The following SH3PXD2A variants were observed in gnomAD, a reference collection of about 807,000 sequenced individuals.
SH3PXD2A encodes the protein SH3 and PX domains 2A.
A neutral mutation model predicts 115.2 loss-of-function variants in SH3PXD2A; 32 were observed. The observed-to-expected ratio is 0.28, with a 90% CI of 0.21 to 0.37. The LOEUF (loss-of-function observed/expected upper bound fraction) is 0.37. Ranked by LOEUF, SH3PXD2A falls within the 10% of genes least tolerant of loss-of-function variation. The pLI is 1.00. For synonymous variants in SH3PXD2A, 610 were observed against 629.1 expected, an observed-to-expected ratio of 0.97 and a Z score of 0.45; for missense variants, 1,328 against 1,498.7, an observed-to-expected ratio of 0.89 and a Z score of 1.88.
At chr10:103,687,663 G>A (rs2037696214) in intron 6 of SH3PXD2A, among the ~76,000 whole-genome samples, 1 of 152,156 alleles carries the variant, frequency 6.6e-6, no homozygotes, top group African/African-American at 2.4e-5. Flanking sequence ...ATCATTCTAT[G>A]ATTGAAGCCA....
In SH3PXD2A at chr10:103,602,392, G is replaced by A. The variant is rs1223167738; in HGVS notation, c.2826C>T (p.Ser942=). Residue 942 remains serine (S), a synonymous_variant, in exon 15 of 15, where the codon AGC becomes AGT. Coordinates refer to ENST00000369774, the MANE Select transcript of SH3PXD2A (RefSeq NM_001394015.1). ...AGGGGATGGGGGGCGTGGCCTTCTT[G>A]CTCTGGTTGACGGTGTTCAGTGCTT... The part of the protein sequence containing the change: ...RVQALNTVNQ[S]KKATPPIPSK... 1 of 1,614,050 alleles carries A rather than the reference G, an allele frequency of 6.2e-7. No homozygotes were observed. The highest frequency in any genetic ancestry group is 8.5e-7 in the Non-Finnish European group (1 of 1,179,990).
At chr10:103,785,291 C>T (rs754696812) in intron 2 of SH3PXD2A, among the ~76,000 whole-genome samples, 1 of 152,166 alleles carries the variant, frequency 6.6e-6, no homozygotes, top group Non-Finnish European at 1.5e-5. Flanking sequence ...CTTAGAGGAA[C>T]AGCTAGCATG....
intron 6 of SH3PXD2A, 38 bp downstream of exon 6, chr10:103,692,990 A>C: frequency 6.3e-7 from 1 of 1,585,234 alleles, no homozygotes; most frequent in East Asian, 2.3e-5. Context: ...CGAAGCGGGA[A>C]GGAAGGCTGA....
rs79241695 is a variant in SH3PXD2A at position 103,802,248 on chromosome 10, C to G, written c.73-886G>C. On this transcript the variant is annotated intron_variant, in intron 1 of 14. Coordinates refer to ENST00000369774, the MANE Select transcript of SH3PXD2A (RefSeq NM_001394015.1). ...AGAGATGTGTGATTCATCTCAGCAT[C>G]CCTGTCTTTGCTCAGTGCCTGGCAC... Among the ~76,000 whole-genome samples, 15 of 152,314 alleles carry G rather than the reference C, an allele frequency of 9.8e-5. No homozygotes were observed. In the East Asian group the frequency reaches 2.9e-3, roughly 29 times the overall value.
intron 2 of SH3PXD2A, among the ~76,000 whole-genome samples, chr10:103,769,173 TGTGTGTGTGCGC>T (rs2038790692): frequency 9.6e-6 from 1 of 104,486 alleles, no homozygotes; most frequent in African/African-American, 4.8e-5. Flanking sequence ...TGTGTGTGTG[TGTGTGTGTGCGC>T]GCGCGCGCGC....
Position 103,627,303 on chromosome 10 carries a change from G to C in SH3PXD2A, c.605-101C>G. 1.4e-6 allele frequency: 1 copy of C among 708,630 alleles called. No homozygotes were observed. The allele number at this position is 708,630 out of a possible 1,614,324, so 43.9% of individuals were successfully genotyped here. A position where few individuals can be genotyped will look rare whatever the true frequency, so the allele number is the denominator to read the frequency against. On this transcript the variant is annotated intron_variant, in intron 8 of 14. Coordinates refer to ENST00000369774, the MANE Select transcript of SH3PXD2A (RefSeq NM_001394015.1). This position sits in a 1 kb window ranked among gnomAD's most constrained non-coding sequence, Gnocchi z 4.4. ...GATGGAAGGAGAGGCACAAGAAGCG[G>C]AGCATGGAGCCAGATGGCCTGGGGA...
chr10:103,792,204 A>G (rs1331350846), intron 2 of SH3PXD2A, among the ~76,000 whole-genome samples: 1 of 152,240 alleles, frequency 6.6e-6, no homozygotes, highest in African/African-American at 2.4e-5. Context: ...GCTGTCAACT[A>G]ATAATTACTT....
chr10:103,798,629 G>A (rs898850894), intron 2 of SH3PXD2A, among the ~76,000 whole-genome samples: 5 of 152,178 alleles, frequency 3.3e-5, no homozygotes, highest in East Asian at 1.9e-4. Flanking sequence ...GGTGAAACCC[G>A]GGGAGCAGCT....
chr10:103,773,246 A>G (rs1386012011), intron 2 of SH3PXD2A, among the ~76,000 whole-genome samples: 2 of 139,586 alleles, frequency 1.4e-5, no homozygotes, highest in Non-Finnish European at 3.2e-5. Context: ...AAAAAAGAGA[A>G]AAAAAGAGAC....
intron 5 of SH3PXD2A, among the ~76,000 whole-genome samples, chr10:103,703,361 A>G (rs149986771): frequency 2.6e-5 from 4 of 152,300 alleles, no homozygotes; most frequent in East Asian, 3.9e-4. Flanking sequence ...CATTTTACAG[A>G]TGCACCTCAG....
At chr10:103,622,134 A>T (rs1375868241) in intron 10 of SH3PXD2A, among the ~76,000 whole-genome samples, 1 of 152,240 alleles carries the variant, frequency 6.6e-6, no homozygotes, top group East Asian at 1.9e-4. Flanking sequence ...AGCTCCTTTA[A>T]TCTGCAGCTT....
chr10:103,796,128 G>A (rs1297016803), intron 2 of SH3PXD2A, among the ~76,000 whole-genome samples: 1 of 151,962 alleles, frequency 6.6e-6, no homozygotes, highest in Non-Finnish European at 1.5e-5. Flanking sequence ...GGAAGACCGA[G>A]GCGGAAGGAT....
At chr10:103,814,870 G>A (rs2039307978) in intron 1 of SH3PXD2A, among the ~76,000 whole-genome samples, 1 of 152,174 alleles carries the variant, frequency 6.6e-6, no homozygotes. Context: ...ATAAAATGGG[G>A]TGGTGACTGA....
intron 6 of SH3PXD2A, among the ~76,000 whole-genome samples, chr10:103,692,141 AGTCTGTC>A (rs1216459168): frequency 1.3e-5 from 2 of 152,138 alleles, no homozygotes; most frequent in East Asian, 1.9e-4. Flanking sequence ...TCGCTGCAGC[AGTCTGTC>A]CCCGCCCCCA....
At chr10:103,842,623 A>G (rs1832444496) in intron 1 of SH3PXD2A, among the ~76,000 whole-genome samples, 1 of 152,148 alleles carries the variant, frequency 6.6e-6, no homozygotes, top group Admixed American at 6.5e-5. Context: ...GCTCTCACCT[A>G]TGAGTGAGGA....
rs1020766933 is a variant in SH3PXD2A, at chr10:103,596,820, C to T, written c.*4996G>A. 3 of 152,524 alleles carry T rather than the reference C, an allele frequency of 2.0e-5. No homozygotes were observed. Among genetic ancestry groups the T allele is most frequent in the Admixed American group, 1.3e-4 (2 of 15,270 alleles). The allele number at this position is 152,524 out of a possible 1,614,324, so 9.4% of individuals were successfully genotyped here. A position where few individuals can be genotyped will look rare whatever the true frequency, so the allele number is the denominator to read the frequency against. ...ATGGATATACGCCAAGGGAGAGACC[C>T]GCACAGGGCACAGTCCCATTCCAGG... On this transcript the variant is annotated 3_prime_UTR_variant, in exon 15 of 15. Coordinates refer to ENST00000369774, the MANE Select transcript of SH3PXD2A (RefSeq NM_001394015.1).
intron 8 of SH3PXD2A, among the ~76,000 whole-genome samples, chr10:103,645,912 G>A (rs762344120): frequency 6.6e-6 from 1 of 152,240 alleles, no homozygotes; most frequent in Non-Finnish European, 1.5e-5. Flanking sequence ...GATTCACCAA[G>A]AGGCAGCAGA....
intron 2 of SH3PXD2A, among the ~76,000 whole-genome samples, chr10:103,772,730 G>A (rs566920227): frequency 1.7e-4 from 26 of 152,340 alleles, no homozygotes; most frequent in African/African-American, 6.0e-4. Context: ...GGGAGGACGG[G>A]CGAGCCCAGC....
intron 1 of SH3PXD2A, among the ~76,000 whole-genome samples, chr10:103,823,256 C>A (rs1185146905): frequency 3.3e-5 from 5 of 152,192 alleles, no homozygotes; most frequent in Non-Finnish European, 7.3e-5. Context: ...GCCACGGATG[C>A]CATGAGAAAA....
Sources: gnomAD v4.1 joint callset for allele counts (sites outside exome capture counted in the v4.1 genomes callset) on GRCh38, gnomAD v4.1.1 for gene constraint, Gnocchi (gnomAD v3.1) non-coding constraint, MANE v1.5 for transcripts, NCBI Gene and HGNC (gene_info 2026-07-23, HGNC 2026-07-21) for gene names.